SEPTIN6: variants seen among roughly 807,000 people sequenced by gnomAD.
SEPTIN6 encodes septin 6.
Under a neutral mutation model 33.6 loss-of-function variants are expected in SEPTIN6, and 8 were observed. The ratio of observed to expected loss-of-function variants is 0.24; its 90% confidence interval spans 0.14 to 0.43. The LOEUF (loss-of-function observed/expected upper bound fraction) is 0.43. SEPTIN6 is among the 20% of genes least tolerant of loss of function. The pLI is 1.00. For missense variants in SEPTIN6, 250 were observed against 340.8 expected (o/e 0.73, Z 2.10); for synonymous variants, 131 against 140.0 (o/e 0.94, Z 0.45).
Position 119,629,516 on chromosome X carries a change from G to A in SEPTIN6, c.1090-8C>T. On this transcript the variant is annotated splice_polypyrimidine_tract_variant and splice_region_variant and intron_variant, in intron 8 of 10. Transcript: ENST00000394610. The stretch of plus-strand genomic sequence containing the variant: ...GTCAAACTTCTCGTGCAGCTGGCAG[G>A]GAAGCACAGGGAGATTGGAGAGAAT... The A allele has an allele frequency of 2.5e-6, 3 of 1,206,743 alleles. No individual in the cohort carries two copies. Among genetic ancestry groups the A allele is most frequent in the Non-Finnish European group, 3.4e-6 (3 of 891,824 alleles).
intron 1 of SEPTIN6, among the ~76,000 whole-genome samples, chrX:119,687,053 C>A (rs750123008): frequency 9.0e-6 from 1 of 111,131 alleles, no homozygotes; most frequent in African/African-American, 3.3e-5. Context: ...AATAGCACTT[C>A]GGACTAAGTA....
intron 2 of SEPTIN6, among the ~76,000 whole-genome samples, chrX:119,672,042 C>T (rs2054758668): frequency 8.9e-6 from 1 of 111,939 alleles, no homozygotes; most frequent in African/African-American, 3.2e-5. Context: ...GTTCTCTGAG[C>T]AAGGACAGGG....
At chrX:119,623,654 C>T (rs1298561899) in intron 10 of SEPTIN6, among the ~76,000 whole-genome samples, 1 of 111,937 alleles carries the variant, frequency 8.9e-6, no homozygotes, top group Non-Finnish European at 1.9e-5. Context: ...CCTGGGCCAA[C>T]GTGGTGAAAC....
At chrX:119,661,269 C>CA (rs749175712) in intron 3 of SEPTIN6, among the ~76,000 whole-genome samples, 21,233 of 91,279 alleles carry the variant, frequency 0.23, 2,091 homozygotes, top group Middle Eastern at 0.34. Context: ...ACTAAAAATA[C>CA]AAAAAAAAAA....
At chrX:119,674,702 G>A (rs1185147466) in intron 2 of SEPTIN6, among the ~76,000 whole-genome samples, 1 of 111,830 alleles carries the variant, frequency 8.9e-6, no homozygotes, top group Non-Finnish European at 1.9e-5. Context: ...GTCTCCACCT[G>A]TTTCATGAGG....
At chrX:119,675,325 C>T (rs1463411136) in intron 2 of SEPTIN6, among the ~76,000 whole-genome samples, 1 of 111,230 alleles carries the variant, frequency 9.0e-6, no homozygotes, top group Non-Finnish European at 1.9e-5. Flanking sequence ...TCTCACATAG[C>T]TCAGTTTCCC....
intron 2 of SEPTIN6, among the ~76,000 whole-genome samples, chrX:119,669,712 A>G (rs1331235203): frequency 1.8e-5 from 2 of 112,052 alleles, no homozygotes; most frequent in Non-Finnish European, 3.8e-5. Flanking sequence ...ATGGGCTGTG[A>G]CGTTGACCAG....
chrX:119,679,233 T>C (rs1443930108), intron 1 of SEPTIN6, among the ~76,000 whole-genome samples: 2 of 111,767 alleles, frequency 1.8e-5, no homozygotes, highest in African/African-American at 6.5e-5. Flanking sequence ...TGAGCCACCA[T>C]GCCTGGCCCA....
Position 119,690,011 on chromosome X carries a change from G to A in SEPTIN6, c.30+3065C>T, listed in dbSNP as rs370869020. On this transcript the variant is annotated intron_variant, in intron 1 of 10. Coordinates refer to ENST00000394610, the MANE Select transcript of SEPTIN6 (RefSeq NM_145799.4). ...CCCAAAGTGCTGGGATTACAGGCAT[G>A]AGCCACCAAGCCCAGTCCGATCACG... Among the ~76,000 whole-genome samples the A allele has an allele frequency of 4.0e-4, 45 of 111,846 alleles. 1 individual carries two copies. The East Asian group carries it at 4.2e-3, about 10-fold the overall frequency.
At chrX:119,645,897 C>T (rs996111042) in intron 5 of SEPTIN6, among the ~76,000 whole-genome samples, 61 of 112,148 alleles carry the variant, frequency 5.4e-4, no homozygotes, top group African/African-American at 1.9e-3. Context: ...AACCATAGCA[C>T]CACCTTTACT....
downstream of SEPTIN6, chrX:119,616,813 G>C (rs1046868072): frequency 4.6e-6 from 5 of 1,084,885 alleles, no homozygotes; most frequent in Non-Finnish European, 6.2e-6. Flanking sequence ...AAGTAAGACA[G>C]GGGGAGGGGA....
chrX:119,632,699 C>T (rs2053989175), intron 8 of SEPTIN6, among the ~76,000 whole-genome samples: 1 of 110,995 alleles, frequency 9.0e-6, no homozygotes. Context: ...ATGATCTCAG[C>T]TCACTGTAAC....
At chrX:119,622,695 C>T (rs746150503) in intron 10 of SEPTIN6, among the ~76,000 whole-genome samples, 23 of 112,498 alleles carry the variant, frequency 2.0e-4, no homozygotes, top group Non-Finnish European at 3.4e-4. Flanking sequence ...TGTCAAGCCA[C>T]GTGCAGTGAA....
intron 1 of SEPTIN6, among the ~76,000 whole-genome samples, chrX:119,675,985 G>C (rs2054833591): frequency 1.8e-5 from 2 of 110,306 alleles, no homozygotes; most frequent in African/African-American, 6.6e-5. Flanking sequence ...CACAGACTCA[G>C]GTTAAATCTC....
rs753403504 is a variant in SEPTIN6, at chrX:119,646,184, A to C, written c.690+3753T>G. Among the ~76,000 whole-genome samples, 101 of 111,385 alleles carry C rather than the reference A, an allele frequency of 9.1e-4. 1 individual carries two copies. Among genetic ancestry groups the C allele is most frequent in the African/African-American group, 3.1e-3 (96 of 30,658 alleles). On this transcript the variant is annotated intron_variant, in intron 5 of 10. Transcript: ENST00000394610. ...GGTGACTGAACAAGACCATTGGCTGATTTGCTCTCAAGTCAACCACTGGTG... is the reference window on the plus strand; with the variant it reads ...GGTGACTGAACAAGACCATTGGCTGCTTTGCTCTCAAGTCAACCACTGGTG...
chrX:119,651,075 C>T, intron 4 of SEPTIN6, among the ~76,000 whole-genome samples: 1 of 109,363 alleles, frequency 9.1e-6, no homozygotes, highest in Non-Finnish European at 1.9e-5. Context: ...CATAATCATT[C>T]CTGCCAGTAG....
Position 119,661,290 on chromosome X carries a change from G to A in SEPTIN6, c.341+2192C>T, listed in dbSNP as rs571244004. 4.6e-5 allele frequency among the ~76,000 whole-genome samples: 5 copies of A among 107,728 alleles called. No homozygotes were observed. In the South Asian group the frequency reaches 2.0e-3, roughly 43 times the overall value. 93.5% of individuals were successfully genotyped at this position (107,728 alleles called of 115,157 possible). Reference sequence around the variant, plus strand: ...AATACAAAAAAAAAAAATTAGCTGGGTGTGGTGGCACGAGCCTGTAGTCCC... The same window carrying A: ...AATACAAAAAAAAAAAATTAGCTGGATGTGGTGGCACGAGCCTGTAGTCCC... On this transcript the variant is annotated intron_variant, in intron 3 of 10. Transcript: ENST00000394610.
intron 10 of SEPTIN6, chrX:119,624,145 TTTTTTTTTTTTG>T (rs1056061896): frequency 9.7e-5 from 5 of 51,428 alleles, no homozygotes; most frequent in Non-Finnish European, 1.4e-4. Flanking sequence ...TTATTATGGG[TTTTTTTTTTTTG>T]TTTTTTTTTT....
At chrX:119,673,771 G>A (rs2054789895) in intron 2 of SEPTIN6, among the ~76,000 whole-genome samples, 1 of 103,256 alleles carries the variant, frequency 9.7e-6, no homozygotes, top group South Asian at 4.5e-4. Context: ...GAACCCGGAA[G>A]GTGGAGGTTG....
Sources: gnomAD v4.1 joint callset for allele counts (sites outside exome capture counted in the v4.1 genomes callset) on GRCh38, gnomAD v4.1.1 for gene constraint, MANE v1.5 for transcripts, NCBI Gene and HGNC (gene_info 2026-07-23, HGNC 2026-07-21) for gene names.